WWC2: variants seen among roughly 807,000 people sequenced by gnomAD.
WWC2 encodes protein WWC2.
In WWC2, 101 loss-of-function variants were observed where a neutral mutation model predicts 138.5. That is an observed-to-expected ratio of 0.73 (90% CI 0.62 to 0.86). The LOEUF (loss-of-function observed/expected upper bound fraction) is 0.86. Ranked by LOEUF, WWC2 falls within the 40% of genes least tolerant of loss-of-function variation. WWC2 has a pLI of 0.00. For synonymous variants in WWC2, 558 were observed against 538.4 expected (o/e 1.04, Z -0.50); for missense variants, 1,420 against 1,419.4 (o/e 1.00, Z -0.01).
rs1020397670 is a variant in WWC2, at chr4:183,289,487, G to A, written c.3236G>A (p.Arg1079Gln). Residue 1079 changes from arginine (R) to glutamine (Q), a missense_variant, in exon 21 of 23, where the codon CGG becomes CAG. Coordinates refer to ENST00000403733, the MANE Select transcript of WWC2 (RefSeq NM_024949.6). ...LELDLQASLT[R>Q]QSRLNDELQA... ...CTGGACCTTCAGGCATCTCTGACCC[G>A]GCAGAGCCGCCTCAATGATGAGCTG... 4 of 1,613,648 alleles carry A rather than the reference G, an allele frequency of 2.5e-6. No homozygotes were observed. Among genetic ancestry groups the A allele is most frequent in the East Asian group, 2.2e-5 (1 of 44,854 alleles).
intron 1 of WWC2, among the ~76,000 whole-genome samples, chr4:183,111,698 G>T (rs368358655): frequency 1.4e-3 from 194 of 141,082 alleles, no homozygotes; most frequent in South Asian, 4.3e-3. Flanking sequence ...TTTCTGTTTT[G>T]TTTTTTTTTT....
intron 1 of WWC2, among the ~76,000 whole-genome samples, chr4:183,172,902 T>C (rs570484377): frequency 6.6e-6 from 1 of 152,334 alleles, no homozygotes; most frequent in East Asian, 1.9e-4. Flanking sequence ...GTCTTACTCT[T>C]TGGGAAATTT....
chr4:183,238,721 T>C (rs1012654704), intron 4 of WWC2, among the ~76,000 whole-genome samples: 4 of 152,160 alleles, frequency 2.6e-5, no homozygotes, highest in Non-Finnish European at 4.4e-5. Context: ...TCAGACAGGC[T>C]CCACCCAAGC....
intron 1 of WWC2, among the ~76,000 whole-genome samples, chr4:183,129,295 T>C (rs1732850769): frequency 6.6e-6 from 1 of 152,140 alleles, no homozygotes; most frequent in Non-Finnish European, 1.5e-5. Context: ...GGGTATCTCT[T>C]ATGACTGGAT....
At chr4:183,216,019 T>C (rs1735745737) in intron 4 of WWC2, among the ~76,000 whole-genome samples, 1 of 152,204 alleles carries the variant, frequency 6.6e-6, no homozygotes, top group South Asian at 2.1e-4. Context: ...GTCTAAGCTT[T>C]GTGGAATGTT....
intron 21 of WWC2, among the ~76,000 whole-genome samples, chr4:183,292,734 G>C (rs1332363132): frequency 6.6e-6 from 1 of 151,898 alleles, no homozygotes; most frequent in African/African-American, 2.4e-5. Context: ...AAACTCTTCC[G>C]GACACTAGAA....
At chr4:183,252,400 T>C (rs1006882058) in intron 8 of WWC2, among the ~76,000 whole-genome samples, 3 of 152,224 alleles carry the variant, frequency 2.0e-5, no homozygotes, top group African/African-American at 7.2e-5. Flanking sequence ...ACAGTCCTCA[T>C]TGTCTTTACA....
chr4:183,261,592 G>A, intron 11 of WWC2, 60 bp downstream of exon 11: 1 of 1,495,830 alleles, frequency 6.7e-7, no homozygotes, highest in South Asian at 1.4e-5. Context: ...AGAATGATTG[G>A]AGCATTATTT....
At position 183,249,967 on chromosome 4, in the gene WWC2, C is replaced by G. The variant is rs754172620; in HGVS notation, c.927C>G (p.Ser309Arg). ...ATTTAGCTGAAAAGGTCAGGCTAAG[C>G]CTACAGTATGAAGAAGCCAAAAGAA... Reference protein sequence around the residue: ...RSNLAEKVRLSLQYEEAKRSM... With the variant: ...RSNLAEKVRLRLQYEEAKRSM... Residue 309 changes from serine (S) to arginine (R), a missense_variant, in exon 8 of 23, where the codon AGC becomes AGG. By Grantham distance (110) the Ser-to-Arg change is moderately radical. Coordinates refer to ENST00000403733, the MANE Select transcript of WWC2 (RefSeq NM_024949.6). The G allele has an allele frequency of 6.2e-7, 1 of 1,613,662 alleles. No homozygotes were observed. Among genetic ancestry groups the G allele is most frequent in the East Asian group, 2.2e-5 (1 of 44,880 alleles).
At chr4:183,137,644 G>T (rs902614134) in intron 1 of WWC2, among the ~76,000 whole-genome samples, 2 of 151,982 alleles carry the variant, frequency 1.3e-5, no homozygotes, top group African/African-American at 4.8e-5. Context: ...GACTGTAGAT[G>T]CGCACCACCA....
At chr4:183,284,688 A>G (rs1335878111) in intron 19 of WWC2, among the ~76,000 whole-genome samples, 1 of 152,232 alleles carries the variant, frequency 6.6e-6, no homozygotes, top group Non-Finnish European at 1.5e-5. Context: ...GTCTGTATTT[A>G]GAAACATAAA....
At chr4:183,132,973 C>T (rs1732974327) in intron 1 of WWC2, among the ~76,000 whole-genome samples, 1 of 146,186 alleles carries the variant, frequency 6.8e-6, no homozygotes, top group South Asian at 2.1e-4. Flanking sequence ...AAATGGGTCC[C>T]TATTTCAGGG....
chr4:183,135,988 C>T (rs1201827837), intron 1 of WWC2, among the ~76,000 whole-genome samples: 1 of 151,198 alleles, frequency 6.6e-6, no homozygotes, highest in Non-Finnish European at 1.5e-5. Flanking sequence ...CTTCTCTTCC[C>T]CTTTTATTTT....
intron 1 of WWC2, among the ~76,000 whole-genome samples, chr4:183,174,501 T>C (rs946482779): frequency 6.6e-6 from 1 of 152,208 alleles, no homozygotes; most frequent in African/African-American, 2.4e-5. Context: ...GTTGTTCTCA[T>C]CCGCTGACCT....
chr4:183,265,224 T>C (rs770870723), intron 12 of WWC2, 117 bp downstream of exon 12: 23 of 1,359,472 alleles, frequency 1.7e-5, no homozygotes, highest in Admixed American at 2.9e-5. Flanking sequence ...GTAAGGACTT[T>C]AGCCGTTAAA....
intron 15 of WWC2, chr4:183,269,687 G>A (rs2111378678): frequency 2.8e-6 from 1 of 352,628 alleles, no homozygotes; most frequent in Non-Finnish European, 5.6e-6. Flanking sequence ...ATAATTCACT[G>A]TTACAAATTA....
At chr4:183,152,421 C>T (rs933265883) in intron 1 of WWC2, among the ~76,000 whole-genome samples, 1 of 151,840 alleles carries the variant, frequency 6.6e-6, no homozygotes, top group Non-Finnish European at 1.5e-5. Flanking sequence ...ATCACTTGAA[C>T]CCAGGAGGTG....
In WWC2 at chr4:183,277,607, AGTGT is replaced by A. The variant is rs1357090727; in HGVS notation, c.2563-3168_2563-3165del. Among the ~76,000 whole-genome samples, 1,239 of 144,562 alleles carry A rather than the reference AGTGT, an allele frequency of 8.6e-3. 2 individuals carry two copies. The highest frequency in any genetic ancestry group is 0.02 in the South Asian group (83 of 4,246). The allele number at this position is 144,562 out of a possible 152,430, so 94.8% of individuals were successfully genotyped here. The stretch of plus-strand genomic sequence containing the variant: ...TTTACAGTCCCACCAACAGTGTAAA[AGTGT>A]TCCTATTTCTCCACATCCTCTCCAG... On this transcript the variant is annotated intron_variant, in intron 16 of 22. Transcript: ENST00000403733.
At chr4:183,224,274 C>T (rs1560852090) in intron 4 of WWC2, among the ~76,000 whole-genome samples, 1 of 152,060 alleles carries the variant, frequency 6.6e-6, no homozygotes, top group Non-Finnish European at 1.5e-5. Context: ...TCATGAAGTG[C>T]ATGTCTCTTT....
Sources: allele counts gnomAD v4.1 joint callset (sites outside exome capture counted in the v4.1 genomes callset), GRCh38; gene constraint gnomAD v4.1.1; transcripts MANE v1.5; gene names NCBI Gene and HGNC (gene_info 2026-07-23, HGNC 2026-07-21).